The following PHYHIP variants were observed in gnomAD, a reference collection of about 807,000 sequenced individuals.
PHYHIP encodes phytanoyl-CoA hydroxylase-interacting protein.
PHYHIP carries 7 observed loss-of-function variants against 26.1 expected under a neutral mutation model. The observed-to-expected ratio is 0.27, with a 90% CI of 0.15 to 0.50. PHYHIP has a LOEUF of 0.50. Ranked by LOEUF, PHYHIP falls within the 20% of genes least tolerant of loss-of-function variation. The probability of loss-of-function intolerance (pLI) is 0.98; values close to 1 mark genes in which losing one functional copy is unlikely to be tolerated. For synonymous variants in PHYHIP, 206 were observed against 183.4 expected (o/e 1.12, Z -1.00); for missense variants, 232 against 454.7 (o/e 0.51, Z 4.45).
intron 2 of PHYHIP, chr8:22,227,504 G>C: frequency 4.9e-6 from 2 of 410,794 alleles, no homozygotes; most frequent in East Asian, 7.2e-5. Flanking sequence ...CAGAGAAAGA[G>C]AGCGGGTGAG....
At chr8:22,226,117 G>T (rs919223729) in intron 3 of PHYHIP, among the ~76,000 whole-genome samples, 16 of 152,182 alleles carry the variant, frequency 1.1e-4, no homozygotes, top group Middle Eastern at 3.2e-3. Context: ...AGTTTGCGGG[G>T]CCATTGACCA....
At chr8:22,222,016 C>T (rs777539167) in intron 4 of PHYHIP, 129 bp from the exon 5 acceptor site, 8 of 722,740 alleles carry the variant, frequency 1.1e-5, no homozygotes, top group Non-Finnish European at 1.8e-5. Context: ...CCCCAGCCGC[C>T]TCCACTAGTC....
rs1216755050 is a variant in PHYHIP at position 22,221,692 on chromosome 8, G to A, written c.654C>T (p.Thr218=). The change falls in exon 5 of 5, where the codon ACC becomes ACT. Residue 218 remains threonine, a synonymous_variant. Coordinates refer to ENST00000454243, the MANE Select transcript of PHYHIP (RefSeq NM_014759.5). The surrounding 1 kb of genome is among the most constrained non-coding windows in gnomAD (Gnocchi z 7.9). The stretch of plus-strand genomic sequence containing the variant: ...AGTAGAAGTCCGCAAAGTAGAGGTT[G>A]GTGCTGGGATTGAAGAGGCGCTGAG... ...IPAQRLFNPS[T]NLYFADFYCM... is the part of the protein sequence containing the mutation. The A allele has an allele frequency of 1.2e-6, 2 of 1,612,960 alleles. No individual in the cohort carries two copies. Among genetic ancestry groups the A allele is most frequent in the African/African-American group, 2.7e-5 (2 of 74,926 alleles).
intron 3 of PHYHIP, among the ~76,000 whole-genome samples, chr8:22,224,658 C>G (rs1829705590): frequency 6.6e-6 from 1 of 152,194 alleles, no homozygotes; most frequent in Admixed American, 6.5e-5. Context: ...GGGCTGTGAT[C>G]CCAGGCCATC....
intron 1 of PHYHIP, among the ~76,000 whole-genome samples, chr8:22,230,213 A>G (rs925455288): frequency 4.0e-5 from 6 of 151,876 alleles, no homozygotes; most frequent in East Asian, 1.9e-4. Flanking sequence ...ACACACACAC[A>G]CGCACACACA....
rs748665305 is a variant in PHYHIP at position 22,221,603 on chromosome 8, C to T, written c.743G>A (p.Arg248His). The change falls in exon 5 of 5, where the codon CGC becomes CAC. Residue 248 changes from arginine to histidine, a missense_variant. Coordinates refer to ENST00000454243, the MANE Select transcript of PHYHIP (RefSeq NM_014759.5). The surrounding 1 kb of genome is among the most constrained non-coding windows in gnomAD (Gnocchi z 7.9). ...VLAPKGSLGD[R>H]FCRDRLPLLD... ...GAGGGGCAGGCGGTCGCGGCAGAAGCGGTCCCCCAGGGAGCCTTTGGGCGC... is the reference window on the plus strand; with the variant it reads ...GAGGGGCAGGCGGTCGCGGCAGAAGTGGTCCCCCAGGGAGCCTTTGGGCGC... 3.2e-5 allele frequency: 51 copies of T among 1,613,842 alleles called. No individual in the cohort carries two copies. The South Asian group carries it at 4.1e-4, about 13-fold the overall frequency.
rs760531230 is a variant in PHYHIP, at chr8:22,221,326, C to G, written c.*27G>C. The stretch of plus-strand genomic sequence containing the variant: ...CACCTCCACCTTCCGCTCATCTCTC[C>G]CTCGCCCCCCAGCTCCCCAGGAGTC... On this transcript the variant is annotated 3_prime_UTR_variant, in exon 5 of 5. Transcript: ENST00000454243. This position sits in a 1 kb window ranked among gnomAD's most constrained non-coding sequence, Gnocchi z 7.9. 1.2e-5 allele frequency: 19 copies of G among 1,531,090 alleles called. No homozygotes were observed. The highest frequency in any genetic ancestry group is 1.7e-5 in the Non-Finnish European group (19 of 1,138,250). The allele number at this position is 1,531,090 out of a possible 1,614,324, so 94.8% of individuals were successfully genotyped here.
intron 1 of PHYHIP, among the ~76,000 whole-genome samples, chr8:22,230,578 A>G (rs1829846466): frequency 6.6e-6 from 1 of 151,990 alleles, no homozygotes; most frequent in Non-Finnish European, 1.5e-5. Context: ...AACACCCGAG[A>G]AACACCCACA....
Position 22,228,389 on chromosome 8 carries a change from G to A in PHYHIP, c.-29-3C>T. The A allele has an allele frequency of 1.3e-6, 2 of 1,539,652 alleles. No homozygotes were observed. The highest frequency in any genetic ancestry group is 1.2e-5 in the South Asian group (1 of 84,652). Reference sequence around the variant, plus strand: ...GTCAGGGTTGTCTCCTGTGGGGACTGAGGAGGAGGGAAAGGGTCAGTACAT... The same window carrying A: ...GTCAGGGTTGTCTCCTGTGGGGACTAAGGAGGAGGGAAAGGGTCAGTACAT... On this transcript the variant is annotated splice_polypyrimidine_tract_variant and splice_region_variant and intron_variant, in intron 1 of 4. Coordinates refer to ENST00000454243, the MANE Select transcript of PHYHIP (RefSeq NM_014759.5).
chr8:22,228,692 C>T (rs573610336), intron 1 of PHYHIP: 58 of 198,310 alleles, frequency 2.9e-4, no homozygotes, highest in Non-Finnish European at 5.4e-4. Flanking sequence ...GCAGATGGAG[C>T]CGAGGAGGGA....
Position 22,226,870 on chromosome 8 carries a change from C to G in PHYHIP, c.321G>C (p.Thr107=). The change falls in exon 3 of 5, where the codon ACG becomes ACC. Residue 107 remains threonine, a synonymous_variant. Transcript: ENST00000454243. ...CCTCACCCCCAGTGCAGAACTCCAC[C>G]GTCTCGCTCCAGCCGGACACCAGGT... The part of the protein sequence containing the change: ...GEYLVSGWSE[T]VEFCTGDYAK... The G allele has an allele frequency of 6.2e-7, 1 of 1,613,546 alleles. No homozygotes were observed. Among genetic ancestry groups the G allele is most frequent in the South Asian group, 1.1e-5 (1 of 90,966 alleles).
Position 22,221,979 on chromosome 8 carries a change from A to G in PHYHIP, c.459-92T>C, listed in dbSNP as rs1241437218. ...GGCTGCTGCGTGTGGTCGAGGAGGG[A>G]GGAAGCCAGCCCAGCTCCCAGCCCT... On this transcript the variant is annotated intron_variant, in intron 4 of 4. Coordinates refer to ENST00000454243, the MANE Select transcript of PHYHIP (RefSeq NM_014759.5). The surrounding 1 kb of genome is among the most constrained non-coding windows in gnomAD (Gnocchi z 7.9). 2 of 1,150,580 alleles carry G rather than the reference A, an allele frequency of 1.7e-6. No homozygotes were observed. Among genetic ancestry groups the G allele is most frequent in the Non-Finnish European group, 2.4e-6 (2 of 838,452 alleles). The allele number at this position is 1,150,580 out of a possible 1,614,324, so 71.3% of individuals were successfully genotyped here. A position where few individuals can be genotyped will look rare whatever the true frequency, so the allele number is the denominator to read the frequency against.
chr8:22,221,054 C>T lies in PHYHIP; in HGVS notation c.*299G>A, dbSNP rs188440953. 3.1e-4 allele frequency: 112 copies of T among 358,822 alleles called. 1 individual carries two copies. The Admixed American group carries it at 3.5e-3, about 11-fold the overall frequency. 22.2% of individuals were successfully genotyped at this position (358,822 alleles called of 1,614,324 possible). A position where few individuals can be genotyped will look rare whatever the true frequency, so the allele number is the denominator to read the frequency against. ...GGTCTTTGGGAGATAGAGACCTGGA[C>T]GAGGCAAAGAACAGTAGGACAAGGA... is the stretch of plus-strand genomic sequence containing the variant. On this transcript the variant is annotated 3_prime_UTR_variant, in exon 5 of 5. Transcript: ENST00000454243. This position sits in a 1 kb window ranked among gnomAD's most constrained non-coding sequence, Gnocchi z 7.9.
chr8:22,223,980 C>T (rs1829689464), intron 4 of PHYHIP: 2 of 471,810 alleles, frequency 4.2e-6, no homozygotes, highest in African/African-American at 3.9e-5. Context: ...ACCTCATTCT[C>T]CCAGGCTCAT....
At position 22,221,293 on chromosome 8, in the gene PHYHIP, G is replaced by A. The variant is rs1300853887; in HGVS notation, c.*60C>T. On this transcript the variant is annotated 3_prime_UTR_variant, in exon 5 of 5. Transcript: ENST00000454243. This position sits in a 1 kb window ranked among gnomAD's most constrained non-coding sequence, Gnocchi z 7.9. The stretch of plus-strand genomic sequence containing the variant: ...GAGAGAAAGCCAGCTCCCTGAACCT[G>A]GGCTACCCACCTCCACCTTCCGCTC... The A allele has an allele frequency of 1.4e-6, 2 of 1,468,662 alleles. No homozygotes were observed. Among genetic ancestry groups the A allele is most frequent in the African/African-American group, 1.4e-5 (1 of 70,918 alleles). The allele number at this position is 1,468,662 out of a possible 1,614,324, so 91.0% of individuals were successfully genotyped here. A position where few individuals can be genotyped will look rare whatever the true frequency, so the allele number is the denominator to read the frequency against.
chr8:22,223,918 G>A (rs1829688530), intron 4 of PHYHIP: 1 of 282,630 alleles, frequency 3.5e-6, no homozygotes, highest in Non-Finnish European at 6.6e-6. Flanking sequence ...GGAGAGACCT[G>A]TGGTGGTAGA....
At chr8:22,227,958 A>G (rs1829785159) in intron 2 of PHYHIP, among the ~76,000 whole-genome samples, 2 of 152,212 alleles carry the variant, frequency 1.3e-5, no homozygotes, top group South Asian at 2.1e-4. Context: ...CCACGCAAAC[A>G]TGACTCACTG....
At chr8:22,229,869 T>C (rs1829832594) in intron 1 of PHYHIP, among the ~76,000 whole-genome samples, 1 of 152,184 alleles carries the variant, frequency 6.6e-6, no homozygotes, top group Admixed American at 6.5e-5. Context: ...ACCTCTGTAT[T>C]AACCTGTGAG....
chr8:22,223,538 AG>A (rs1048773142), intron 4 of PHYHIP, among the ~76,000 whole-genome samples: 2 of 152,102 alleles, frequency 1.3e-5, no homozygotes, highest in African/African-American at 4.8e-5. Context: ...CGAATGAACA[AG>A]TGCTTCCCTC....
Sources: gnomAD v4.1 joint callset for allele counts (sites outside exome capture counted in the v4.1 genomes callset) on GRCh38, gnomAD v4.1.1 for gene constraint, Gnocchi (gnomAD v3.1) non-coding constraint, MANE v1.5 for transcripts, NCBI Gene and HGNC (gene_info 2026-07-23, HGNC 2026-07-21) for gene names.